The following DEAF1 variants were observed in gnomAD, a reference collection of about 807,000 sequenced individuals.
DEAF1 encodes deformed epidermal autoregulatory factor 1 homolog.
A neutral mutation model predicts 58.9 loss-of-function variants in DEAF1; 53 were observed. That is an observed-to-expected ratio of 0.90 (90% CI 0.72 to 1.13). The LOEUF is 1.13. Ranked by LOEUF, DEAF1 falls within the 50% of genes most tolerant of loss-of-function variation. DEAF1 has a pLI of 0.00. For missense variants in DEAF1, 685 were observed against 791.4 expected (o/e 0.87, Z 1.61); for synonymous variants, 385 against 340.4 (o/e 1.13, Z -1.44).
chr11:659,875 C>G (rs1389259975), intron 10 of DEAF1, among the ~76,000 whole-genome samples: 1 of 152,202 alleles, frequency 6.6e-6, no homozygotes, highest in Non-Finnish European at 1.5e-5. Flanking sequence ...CTGCTGGACC[C>G]TGAAGCCGTG....
intron 9 of DEAF1, 177 bp downstream of exon 9, chr11:678,517 A>G: frequency 2.2e-6 from 2 of 916,286 alleles, no homozygotes; most frequent in South Asian, 1.4e-5. Flanking sequence ...GCTGTGTGTC[A>G]GTAAAACTTT....
At chr11:694,616 G>A (rs931824439) in intron 1 of DEAF1, 143 bp downstream of exon 1, 3 of 764,302 alleles carry the variant, frequency 3.9e-6, no homozygotes, top group African/African-American at 3.7e-5. Context: ...AGGTGTGCAG[G>A]GCGGGTGGAG....
intron 1 of DEAF1, chr11:706,012 G>GGCTGGA (rs1861696926): frequency 6.6e-6 from 1 of 152,326 alleles, no homozygotes; most frequent in African/African-American, 2.4e-5. Context: ...AGAGGGCTGG[G>GGCTGGA]GCTGGAGCCC....
chr11:662,239 C>T (rs1859350427), intron 10 of DEAF1, among the ~76,000 whole-genome samples: 1 of 152,096 alleles, frequency 6.6e-6, no homozygotes, highest in Non-Finnish European at 1.5e-5. Context: ...GCTGAGATCG[C>T]GCCACTGCAC....
At chr11:669,927 CAAAAAAAAAA>C (rs59541099) in intron 10 of DEAF1, among the ~76,000 whole-genome samples, 6 of 86,906 alleles carry the variant, frequency 6.9e-5, no homozygotes, top group African/African-American at 9.3e-5. Context: ...GAGACTGTCT[CAAAAAAAAAA>C]AAAAAAAAAA....
chr11:700,414 C>T (rs936524571), intron 1 of DEAF1, among the ~76,000 whole-genome samples: 11 of 151,834 alleles, frequency 7.2e-5, no homozygotes, highest in Non-Finnish European at 1.6e-4. Context: ...GTAGTCCCAG[C>T]TACTCGGGAG....
At chr11:648,378 G>C (rs1255964125) in intron 11 of DEAF1, among the ~76,000 whole-genome samples, 1 of 151,990 alleles carries the variant, frequency 6.6e-6, no homozygotes, top group Non-Finnish European at 1.5e-5. Context: ...TGTATTTTTA[G>C]TAGAGACGGG....
intron 10 of DEAF1, among the ~76,000 whole-genome samples, chr11:657,546 A>G (rs1859116457): frequency 6.6e-6 from 1 of 152,182 alleles, no homozygotes; most frequent in Admixed American, 6.5e-5. Context: ...GTCTAGGAGA[A>G]GCCCCCCCAC....
chr11:686,309 A>C (rs1025162655), intron 5 of DEAF1, among the ~76,000 whole-genome samples: 14 of 150,096 alleles, frequency 9.3e-5, no homozygotes, highest in African/African-American at 2.7e-4. Flanking sequence ...AAAAAAAAAA[A>C]CCACAAAAAC....
At chr11:691,295 C>A (rs981777926) in intron 2 of DEAF1, among the ~76,000 whole-genome samples, 2 of 152,320 alleles carry the variant, frequency 1.3e-5, no homozygotes, top group East Asian at 3.9e-4. Flanking sequence ...CCTGGCCTTC[C>A]GAGGCAGCTT....
chr11:695,149 G>C lies in DEAF1; in HGVS notation c.-102C>G. 1 of 1,136,066 alleles carries C rather than the reference G, an allele frequency of 8.8e-7. No homozygotes were observed. Among genetic ancestry groups the C allele is most frequent in the Non-Finnish European group, 1.1e-6 (1 of 870,772 alleles). The allele number at this position is 1,136,066 out of a possible 1,614,324, so 70.4% of individuals were successfully genotyped here. On this transcript the variant is annotated 5_prime_UTR_variant, in exon 1 of 12. Coordinates refer to ENST00000382409, the MANE Select transcript of DEAF1 (RefSeq NM_021008.4). ...CCGAAGAGGACGCCCGAGCTGGGCC[G>C]AGGCCGCCCGAAGCCGCCGCCCGAA...
chr11:673,873 T>C (rs972250590), intron 10 of DEAF1: 2 of 156,078 alleles, frequency 1.3e-5, no homozygotes, highest in African/African-American at 4.8e-5. Context: ...ACCCTATTCA[T>C]GTCACCCACC....
rs1860685585 is a variant in DEAF1 at position 688,340 on chromosome 11, G to A, written c.508C>T (p.Leu170Phe). The A allele has an allele frequency of 1.2e-6, 2 of 1,613,574 alleles. No homozygotes were observed. Among genetic ancestry groups the A allele is most frequent in the Non-Finnish European group, 1.7e-6 (2 of 1,180,016 alleles). Residue 170 changes from leucine (L) to phenylalanine (F), a missense_variant, in exon 3 of 12, where the codon CTC (leucine) becomes TTC (phenylalanine). Around this residue, in one of 3 missense-constraint regions of DEAF1, gnomAD observed 132 missense variants for 234.3 expected, o/e 0.56. Transcript: ENST00000382409. This position sits in a 1 kb window ranked among gnomAD's most constrained non-coding sequence, Gnocchi z 4.3. Reference sequence around the variant, plus strand: ...GCAGGCACCGCTGTACCTGGGGTGAGGGGAGCTGCCGGGCCTTTCAGCCCG... The same window carrying A: ...GCAGGCACCGCTGTACCTGGGGTGAAGGGAGCTGCCGGGCCTTTCAGCCCG... ...TTGLKGPAAP[L>F]TPGPQSPPTP...
At chr11:704,773 G>A in intron 1 of DEAF1, 4 of 665,902 alleles carry the variant, frequency 6.0e-6, no homozygotes, top group South Asian at 1.8e-5. Context: ...ACTGTCTCCT[G>A]AGGGCAGGCT....
At chr11:663,431 G>C (rs186977511) in intron 10 of DEAF1, among the ~76,000 whole-genome samples, 9 of 152,326 alleles carry the variant, frequency 5.9e-5, no homozygotes, top group African/African-American at 1.7e-4. Flanking sequence ...CTGGGTGACA[G>C]AGTGAGACTC....
intron 7 of DEAF1, among the ~76,000 whole-genome samples, chr11:680,704 GCTCA>G (rs1860320314): frequency 1.3e-5 from 2 of 152,314 alleles, no homozygotes; most frequent in African/African-American, 2.4e-5. Context: ...ACTCAGCCAT[GCTCA>G]CTCATACTAG....
rs1219460923 is a variant in DEAF1, at chr11:644,532, A to G, written c.*18T>C. 4.4e-6 allele frequency: 7 copies of G among 1,606,520 alleles called. No individual in the cohort carries two copies. The highest frequency in any genetic ancestry group is 6.0e-6 in the Non-Finnish European group (7 of 1,176,366). On this transcript the variant is annotated 3_prime_UTR_variant, in exon 12 of 12. Coordinates refer to ENST00000382409, the MANE Select transcript of DEAF1 (RefSeq NM_021008.4). The surrounding 1 kb of genome is among the most constrained non-coding windows in gnomAD (Gnocchi z 4.3). ...AGGAGTGCGAGGGGCCCCAGCTCCC[A>G]GGGCGGCCGATGGAGCCTCACACGG...
At chr11:647,376 A>T (rs1858546371) in intron 11 of DEAF1, among the ~76,000 whole-genome samples, 1 of 152,014 alleles carries the variant, frequency 6.6e-6, no homozygotes, top group Non-Finnish European at 1.5e-5. Context: ...AATCGCTTGA[A>T]CCTGGGAAGT....
chr11:672,793 A>C (rs1456252095), intron 10 of DEAF1, among the ~76,000 whole-genome samples: 1 of 152,120 alleles, frequency 6.6e-6, no homozygotes, highest in Non-Finnish European at 1.5e-5. Context: ...AGCTGCAGTG[A>C]GCTGAGATTG....
Sources: allele counts gnomAD v4.1 joint callset (sites outside exome capture counted in the v4.1 genomes callset), GRCh38; gene constraint gnomAD v4.1.1; regional missense constraint gnomAD v4.1.1; non-coding constraint Gnocchi (gnomAD v3.1); transcripts MANE v1.5; gene names NCBI Gene and HGNC (gene_info 2026-07-23, HGNC 2026-07-21).